The following HORMAD2 variants were observed in gnomAD, a reference collection of about 807,000 sequenced individuals.
HORMAD2 encodes the protein HORMA domain containing 2.
In HORMAD2, 45 loss-of-function variants were observed where a neutral mutation model predicts 38.8. The ratio of observed to expected loss-of-function variants is 1.16; its 90% confidence interval spans 0.91 to 1.49. The LOEUF (loss-of-function observed/expected upper bound fraction) is 1.49, where lower values mean the gene tolerates loss of function less well. HORMAD2 is among the 40% of genes most tolerant of loss of function. HORMAD2 has a pLI of 0.00. For missense variants in HORMAD2, 338 were observed against 367.0 expected, an observed-to-expected ratio of 0.92 and a Z score of 0.65; for synonymous variants, 126 against 122.8, an observed-to-expected ratio of 1.03 and a Z score of -0.17.
chr22:30,186,007 G>A, the HORMAD2 span, among the ~76,000 whole-genome samples: 1 of 96,122 alleles, frequency 1.0e-5, no homozygotes, highest in South Asian at 3.2e-4. Flanking sequence ...TGTTTTTCTT[G>A]GGGGGGGAGG....
chr22:30,205,683 G>A, the HORMAD2 span, among the ~76,000 whole-genome samples: 4 of 152,118 alleles, frequency 2.6e-5, no homozygotes, highest in African/African-American at 7.2e-5. Flanking sequence ...TTTGAGAAAC[G>A]CTTTGGCATC....
chr22:30,090,926 C>A (rs1342790417), intron 1 of HORMAD2, among the ~76,000 whole-genome samples: 1 of 152,100 alleles, frequency 6.6e-6, no homozygotes, highest in Admixed American at 6.5e-5. Context: ...TGCTATAGAA[C>A]AATATAATTT....
At chr22:30,100,861 T>C (rs1270685131) in intron 3 of HORMAD2, among the ~76,000 whole-genome samples, 1 of 152,060 alleles carries the variant, frequency 6.6e-6, no homozygotes, top group African/African-American at 2.4e-5. Context: ...GTTAGAGAGA[T>C]GCAAATCAAA....
intron 4 of HORMAD2, 123 bp downstream of exon 4, chr22:30,103,623 T>C: frequency 2.6e-6 from 1 of 391,848 alleles, no homozygotes; most frequent in Non-Finnish European, 4.7e-6. Flanking sequence ...CTACTTTCCC[T>C]CTTTCTTTTT....
intron 10 of HORMAD2, among the ~76,000 whole-genome samples, chr22:30,158,161 C>A (rs1228945494): frequency 1.3e-5 from 2 of 151,960 alleles, no homozygotes; most frequent in East Asian, 3.9e-4. Context: ...TCCCTCAATT[C>A]TCTCAGTGGA....
intron 10 of HORMAD2, among the ~76,000 whole-genome samples, chr22:30,171,741 A>C (rs11090601): frequency 0.1 from 15,364 of 152,192 alleles, 819 homozygotes; most frequent in South Asian, 0.18. Flanking sequence ...AGAACTCTAT[A>C]CAGTTCTGTG....
chr22:30,190,095 G>A, the HORMAD2 span, among the ~76,000 whole-genome samples: 1 of 152,150 alleles, frequency 6.6e-6, no homozygotes, highest in Non-Finnish European at 1.5e-5. Flanking sequence ...GGGCTTGGGT[G>A]AGCAATTCAG....
chr22:30,158,298 C>T (rs1473817814), intron 10 of HORMAD2, among the ~76,000 whole-genome samples: 3 of 151,840 alleles, frequency 2.0e-5, no homozygotes, highest in African/African-American at 7.3e-5. Flanking sequence ...TTGGTTCCTA[C>T]ATAATCAACA....
At chr22:30,126,600 A>T (rs997382631) in intron 10 of HORMAD2, among the ~76,000 whole-genome samples, 7 of 152,168 alleles carry the variant, frequency 4.6e-5, no homozygotes, top group Non-Finnish European at 8.8e-5. Flanking sequence ...GTTAATTTGG[A>T]TAATTTATAA....
chr22:30,128,772 C>T lies in HORMAD2; in HGVS notation c.819+6558C>T, dbSNP rs186814832. On this transcript the variant is annotated intron_variant, in intron 10 of 10. Coordinates refer to ENST00000336726, the MANE Select transcript of HORMAD2 (RefSeq NM_152510.4). Reference sequence around the variant, plus strand: ...CAGTGTCACCAGCTGTGCTCAAGTGCAGATATACACGTGTGTTCAAGATAG... The same window carrying T: ...CAGTGTCACCAGCTGTGCTCAAGTGTAGATATACACGTGTGTTCAAGATAG... Among the ~76,000 whole-genome samples the T allele has an allele frequency of 6.6e-5, 10 of 152,224 alleles. No homozygotes were observed. In the East Asian group the frequency reaches 1.9e-3, roughly 29 times the overall value.
chr22:30,145,152 T>G (rs2146189038), intron 10 of HORMAD2, among the ~76,000 whole-genome samples: 1 of 152,352 alleles, frequency 6.6e-6, no homozygotes, highest in Admixed American at 6.5e-5. Flanking sequence ...AAAATAGTTT[T>G]TAGCAGTTTT....
chr22:30,126,904 T>C (rs1922907542), intron 10 of HORMAD2, among the ~76,000 whole-genome samples: 2 of 152,186 alleles, frequency 1.3e-5, no homozygotes, highest in African/African-American at 2.4e-5. Context: ...TGGTATGTCA[T>C]TGTTGTTTTA....
intron 2 of HORMAD2, among the ~76,000 whole-genome samples, chr22:30,095,012 T>C (rs1308559351): frequency 1.3e-5 from 2 of 152,184 alleles, no homozygotes; most frequent in Admixed American, 1.3e-4. Context: ...GCCTGTTTAT[T>C]AGGCCCTAGA....
At chr22:30,092,036 C>T (rs2068697420) in intron 1 of HORMAD2, among the ~76,000 whole-genome samples, 1 of 145,524 alleles carries the variant, frequency 6.9e-6, no homozygotes, top group Admixed American at 6.9e-5. Context: ...GCCACCACAC[C>T]TGGCTAATTT....
chr22:30,097,365 A>G (rs2068800883), intron 2 of HORMAD2, among the ~76,000 whole-genome samples: 1 of 152,128 alleles, frequency 6.6e-6, no homozygotes, highest in Non-Finnish European at 1.5e-5. Context: ...ATGGCACACT[A>G]TTTCTTAAGG....
At chr22:30,121,087 T>C (rs554194912) in intron 8 of HORMAD2, among the ~76,000 whole-genome samples, 6 of 152,188 alleles carry the variant, frequency 3.9e-5, no homozygotes, top group Non-Finnish European at 8.8e-5. Context: ...TATTTTGTAG[T>C]GTGGACAAGA....
At chr22:30,124,578 G>A (rs929292523) in intron 10 of HORMAD2, among the ~76,000 whole-genome samples, 18 of 151,978 alleles carry the variant, frequency 1.2e-4, no homozygotes, top group Admixed American at 7.9e-4. Flanking sequence ...ACATCTACTC[G>A]TTTTAAATTT....
At chr22:30,161,227 T>A (rs1925422440) in intron 10 of HORMAD2, among the ~76,000 whole-genome samples, 1 of 152,224 alleles carries the variant, frequency 6.6e-6, no homozygotes, top group Non-Finnish European at 1.5e-5. Context: ...CAAAGTGGTC[T>A]TTTTCTGATA....
At chr22:30,102,505 C>A (rs1920956122) in intron 3 of HORMAD2, among the ~76,000 whole-genome samples, 1 of 152,134 alleles carries the variant, frequency 6.6e-6, no homozygotes, top group Non-Finnish European at 1.5e-5. Flanking sequence ...ATTTTCATAT[C>A]CCTCAATAGA....
Sources: gnomAD v4.1 joint callset for allele counts (sites outside exome capture counted in the v4.1 genomes callset) on GRCh38, gnomAD v4.1.1 for gene constraint, MANE v1.5 for transcripts, NCBI Gene and HGNC (gene_info 2026-07-23, HGNC 2026-07-21) for gene names.